The following PCDH9 variants were observed in gnomAD, a reference collection of about 807,000 sequenced individuals.
PCDH9 encodes protocadherin 9.
PCDH9 carries 24 observed loss-of-function variants against 70.6 expected under a neutral mutation model. The ratio of observed to expected loss-of-function variants is 0.34; its 90% CI spans 0.25 to 0.48. PCDH9 has a LOEUF of 0.48. PCDH9 is among the 20% of genes least tolerant of loss of function. The probability of loss-of-function intolerance (pLI) is 0.99; values close to 1 mark genes in which losing one functional copy is unlikely to be tolerated. For missense variants in PCDH9, 1,281 were observed against 1,503.6 expected (o/e 0.85, Z 2.45); for synonymous variants, 562 against 558.5 (o/e 1.01, Z -0.09).
intron 4 of PCDH9, among the ~76,000 whole-genome samples, chr13:66,556,442 T>C (rs2138693132): frequency 6.6e-6 from 1 of 152,244 alleles, no homozygotes; most frequent in East Asian, 1.9e-4. Flanking sequence ...GCTGGAGAAT[T>C]GGAATTTTTA....
At chr13:66,738,773 G>A (rs943294770) in intron 3 of PCDH9, among the ~76,000 whole-genome samples, 15 of 152,010 alleles carry the variant, frequency 9.9e-5, no homozygotes, top group South Asian at 2.1e-4. Context: ...GAAATGAAGC[G>A]AGAAGGGAAG....
At chr13:66,827,420 T>C (rs2080845058) in intron 3 of PCDH9, among the ~76,000 whole-genome samples, 1 of 151,110 alleles carries the variant, frequency 6.6e-6, no homozygotes, top group Non-Finnish European at 1.5e-5. Flanking sequence ...CCAGATCACT[T>C]GAGGCACTAT....
At chr13:66,659,643 C>A (rs1410010991) in intron 3 of PCDH9, among the ~76,000 whole-genome samples, 2 of 151,474 alleles carry the variant, frequency 1.3e-5, no homozygotes, top group African/African-American at 2.4e-5. Flanking sequence ...TCACGTGAAT[C>A]CTGCTGCATC....
At chr13:66,547,668 T>C (rs1566407752) in intron 4 of PCDH9, among the ~76,000 whole-genome samples, 1 of 151,948 alleles carries the variant, frequency 6.6e-6, no homozygotes, top group Non-Finnish European at 1.5e-5. Context: ...GCCATGTTGA[T>C]TGTCTTTAAT....
At chr13:66,482,397 C>A (rs746928962) in intron 4 of PCDH9, among the ~76,000 whole-genome samples, 1 of 152,168 alleles carries the variant, frequency 6.6e-6, no homozygotes, top group South Asian at 2.1e-4. Context: ...AGAAAGCACA[C>A]TTTCCAGGAC....
At chr13:67,055,361 A>G (rs1461801533) in intron 2 of PCDH9, among the ~76,000 whole-genome samples, 1 of 152,224 alleles carries the variant, frequency 6.6e-6, no homozygotes, top group Admixed American at 6.6e-5. Flanking sequence ...TAAGATAGTT[A>G]CATGTATATT....
chr13:66,879,248 C>T (rs1327483975), intron 3 of PCDH9, among the ~76,000 whole-genome samples: 1 of 152,018 alleles, frequency 6.6e-6, no homozygotes. Flanking sequence ...TAGGAATTCC[C>T]ACTTTCCAAA....
At chr13:66,918,007 G>T (rs950008959) in intron 2 of PCDH9, among the ~76,000 whole-genome samples, 5 of 151,272 alleles carry the variant, frequency 3.3e-5, no homozygotes, top group Non-Finnish European at 7.4e-5. Flanking sequence ...ACTGTGTATG[G>T]TTATGTTCGA....
intron 4 of PCDH9, among the ~76,000 whole-genome samples, chr13:66,354,036 T>C (rs961340806): frequency 2.6e-5 from 4 of 152,186 alleles, no homozygotes; most frequent in Non-Finnish European, 5.9e-5. Flanking sequence ...GGAGCTTTGA[T>C]AATATTTTAA....
At chr13:66,603,136 GA>G (rs1321873121) in intron 4 of PCDH9, among the ~76,000 whole-genome samples, 1 of 145,734 alleles carries the variant, frequency 6.9e-6, no homozygotes, top group Non-Finnish European at 1.5e-5. Context: ...GCATATTCAA[GA>G]AAGTAAGTCC....
rs182943440 is a variant in PCDH9, at chr13:66,670,896, T to A, written c.3139-39485A>T. The stretch of plus-strand genomic sequence containing the variant: ...CATTAGGGTAGGCCCTTATCTAACA[T>A]GACTGTGTTCTTATTTAAAAAAAAA... On this transcript the variant is annotated intron_variant, in intron 3 of 4. Coordinates refer to ENST00000377865, the MANE Select transcript of PCDH9 (RefSeq NM_203487.3). Among the ~76,000 whole-genome samples, 501 of 136,852 alleles carry A rather than the reference T, an allele frequency of 3.7e-3. 12 individuals carry two copies. Among genetic ancestry groups the A allele is most frequent in the East Asian group, 2.8e-3 (13 of 4,592 alleles). The allele number at this position is 136,852 out of a possible 152,430, so 89.8% of individuals were successfully genotyped here.
intron 4 of PCDH9, among the ~76,000 whole-genome samples, chr13:66,347,486 CA>C (rs748272761): frequency 6.6e-6 from 1 of 152,090 alleles, no homozygotes; most frequent in South Asian, 2.1e-4. Flanking sequence ...CAAAAACAAA[CA>C]AAAAACATTA....
chr13:67,218,070 T>C (rs2089647665), intron 2 of PCDH9: 1 of 152,016 alleles, frequency 6.6e-6, no homozygotes, highest in African/African-American at 2.4e-5. Flanking sequence ...TACAAAGCCT[T>C]TACTTCATAT....
intron 4 of PCDH9, among the ~76,000 whole-genome samples, chr13:66,423,707 C>G (rs2138355797): frequency 6.6e-6 from 1 of 152,164 alleles, no homozygotes; most frequent in East Asian, 1.9e-4. Context: ...TATGACAAAC[C>G]CACAGCCAAT....
chr13:66,809,587 A>G lies in PCDH9; in HGVS notation c.3138+93917T>C, dbSNP rs145767493. On this transcript the variant is annotated intron_variant, in intron 3 of 4. Transcript: ENST00000377865. ...GCTGCTTAGAATCATCATCAAGACT[A>G]CTTTTGTGTGTGTATATGCAGCAAT... is the stretch of plus-strand genomic sequence containing the variant. Among the ~76,000 whole-genome samples the G allele has an allele frequency of 6.2e-4, 94 of 152,252 alleles. 2 individuals are homozygous for G. In the East Asian group the frequency reaches 0.016, roughly 26 times the overall value.
chr13:66,857,121 C>T (rs966065850), intron 3 of PCDH9, among the ~76,000 whole-genome samples: 17 of 152,048 alleles, frequency 1.1e-4, no homozygotes, highest in East Asian at 1.9e-4. Context: ...AATTTAATCA[C>T]GCCCATTAAA....
chr13:66,311,260 A>G (rs975859464), intron 4 of PCDH9, among the ~76,000 whole-genome samples: 3 of 152,052 alleles, frequency 2.0e-5, no homozygotes, highest in Admixed American at 6.6e-5. Context: ...ATTCATTTGA[A>G]GTTAATTTTA....
intron 3 of PCDH9, among the ~76,000 whole-genome samples, chr13:66,639,073 A>T (rs891203631): frequency 1.3e-5 from 2 of 152,236 alleles, no homozygotes; most frequent in Non-Finnish European, 2.9e-5. Flanking sequence ...TATGCATGCT[A>T]TATAAAGTAG....
At chr13:66,653,192 T>C (rs1234202768) in intron 3 of PCDH9, among the ~76,000 whole-genome samples, 1 of 152,104 alleles carries the variant, frequency 6.6e-6, no homozygotes, top group Non-Finnish European at 1.5e-5. Flanking sequence ...AAAGTCTGTT[T>C]CCTTTGTTGT....
Sources: gnomAD v4.1 joint callset for allele counts (sites outside exome capture counted in the v4.1 genomes callset) on GRCh38, gnomAD v4.1.1 for gene constraint, MANE v1.5 for transcripts, NCBI Gene and HGNC (gene_info 2026-07-23, HGNC 2026-07-21) for gene names.